Variants in CA12 observed in about 807,000 individuals in gnomAD.
The protein encoded by CA12 is carbonic anhydrase 12.
Under a neutral mutation model 46.8 loss-of-function variants are expected in CA12, and 36 were observed. The ratio of observed to expected loss-of-function variants is 0.77; its 90% CI spans 0.59 to 1.02. The LOEUF (loss-of-function observed/expected upper bound fraction) is 1.02. CA12 is among the 50% of genes least tolerant of loss of function. The probability of loss-of-function intolerance (pLI) is 0.00; values close to 1 mark genes in which losing one functional copy is unlikely to be tolerated. For synonymous variants in CA12, 202 were observed against 187.0 expected, an observed-to-expected ratio of 1.08 and a Z score of -0.65; for missense variants, 436 against 451.4, an observed-to-expected ratio of 0.97 and a Z score of 0.31.
rs2038858752 is a variant in CA12, at chr15:63,325,850, C to T, written c.*435G>A. 1 of 209,024 alleles carries T rather than the reference C, an allele frequency of 4.8e-6. No individual in the cohort carries two copies. The highest frequency in any genetic ancestry group is 9.9e-6 in the Non-Finnish European group (1 of 100,894). The allele number at this position is 209,024 out of a possible 1,614,324, so 12.9% of individuals were successfully genotyped here. ...TCTCCAGAGGAAAGAAGTTGAGTTT[C>T]CCAAGCAAAACCTAAGCAGAGAGTG... On this transcript the variant is annotated 3_prime_UTR_variant, in exon 11 of 11. Coordinates refer to ENST00000178638, the MANE Select transcript of CA12 (RefSeq NM_001218.5). The surrounding 1 kb of genome is among the most constrained non-coding windows in gnomAD (Gnocchi z 4.9).
chr15:63,330,005 A>G lies in CA12; in HGVS notation c.875-1875T>C, dbSNP rs1016296801. 6.6e-6 allele frequency among the ~76,000 whole-genome samples: 1 copy of G among 152,186 alleles called. No homozygotes were observed. The highest frequency in any genetic ancestry group is 1.5e-5 in the Non-Finnish European group (1 of 68,024). ...CCCCAGGTGGCACCGGGCTGCTGTG[A>G]GGGTTAGCAGAGCAGGCAGGGAGAA... On this transcript the variant is annotated intron_variant, in intron 8 of 10. Transcript: ENST00000178638. The surrounding 1 kb of genome is among the most constrained non-coding windows in gnomAD (Gnocchi z 4.0).
chr15:63,338,408 G>C (rs1288971002), intron 8 of CA12, among the ~76,000 whole-genome samples: 1 of 152,204 alleles, frequency 6.6e-6, no homozygotes, highest in Non-Finnish European at 1.5e-5. Context: ...CCAGGCCTAA[G>C]ATAGGCTGGC....
rs1166011491 is a variant in CA12, at chr15:63,348,016, G to T, written c.107-1307C>A. On this transcript the variant is annotated intron_variant, in intron 2 of 10. Coordinates refer to ENST00000178638, the MANE Select transcript of CA12 (RefSeq NM_001218.5). The surrounding 1 kb of genome is among the most constrained non-coding windows in gnomAD (Gnocchi z 4.6). Reference sequence around the variant, plus strand: ...CATCGTGCTCTCTAACTAGGGGACCGTATCTGAGAGTGGGAAGAATCCGAA... The same window carrying T: ...CATCGTGCTCTCTAACTAGGGGACCTTATCTGAGAGTGGGAAGAATCCGAA... Among the ~76,000 whole-genome samples the T allele has an allele frequency of 1.3e-5, 2 of 152,204 alleles. No homozygotes were observed. The highest frequency in any genetic ancestry group is 4.8e-5 in the African/African-American group (2 of 41,446).
At position 63,340,085 on chromosome 15, in the gene CA12, A is replaced by C. The variant is rs1352486535; in HGVS notation, c.747+203T>G. The C allele has an allele frequency of 4.7e-6, 3 of 640,272 alleles. No homozygotes were observed. Among genetic ancestry groups the C allele is most frequent in the Non-Finnish European group, 8.3e-6 (3 of 360,626 alleles). The allele number at this position is 640,272 out of a possible 1,614,324, so 39.7% of individuals were successfully genotyped here. ...TTTTTTTAAAAAAGAACTAGGAGAC[A>C]TCTATTCATTTGCCTAGCTTGACTT... On this transcript the variant is annotated intron_variant, in intron 7 of 10. Transcript: ENST00000178638. This position sits in a 1 kb window ranked among gnomAD's most constrained non-coding sequence, Gnocchi z 4.4.
chr15:63,379,486 C>T (rs892144428), intron 1 of CA12, among the ~76,000 whole-genome samples: 1 of 152,200 alleles, frequency 6.6e-6, no homozygotes, highest in African/African-American at 2.4e-5. Flanking sequence ...TAAACTGATT[C>T]CACAAGCGAG....
Position 63,328,334 on chromosome 15 carries a change from G to C in CA12, c.875-204C>G, listed in dbSNP as rs1053084306. Among the ~76,000 whole-genome samples the C allele has an allele frequency of 3.4e-5, 5 of 146,704 alleles. No homozygotes were observed. In the Admixed American group the frequency reaches 3.5e-4, roughly 10 times the overall value. ...TCATACTGCAATCCCTCCTTCCGATGCTCCTTTTTTTTTTTTTTTTGAGAT... is the reference window on the plus strand; with the variant it reads ...TCATACTGCAATCCCTCCTTCCGATCCTCCTTTTTTTTTTTTTTTTGAGAT... On this transcript the variant is annotated intron_variant, in intron 8 of 10. Coordinates refer to ENST00000178638, the MANE Select transcript of CA12 (RefSeq NM_001218.5). This position sits in a 1 kb window ranked among gnomAD's most constrained non-coding sequence, Gnocchi z 5.9.
intron 8 of CA12, among the ~76,000 whole-genome samples, chr15:63,332,461 G>C (rs1038586576): frequency 6.6e-6 from 1 of 152,168 alleles, no homozygotes. Flanking sequence ...TGCTCTGAAG[G>C]GCCTAAATCC....
chr15:63,344,764 G>A (rs2039124003), intron 4 of CA12, among the ~76,000 whole-genome samples: 1 of 152,130 alleles, frequency 6.6e-6, no homozygotes, highest in Admixed American at 6.5e-5. Flanking sequence ...GGCTATTGGA[G>A]TGCCAAAATG....
chr15:63,336,200 C>T (rs916614266), intron 8 of CA12, among the ~76,000 whole-genome samples: 1 of 152,178 alleles, frequency 6.6e-6, no homozygotes, highest in African/African-American at 2.4e-5. Context: ...GGTCTCCAGA[C>T]TTCTGCTTAG....
chr15:63,328,741 C>T lies in CA12; in HGVS notation c.875-611G>A, dbSNP rs1412447622. Among the ~76,000 whole-genome samples, 1 of 152,112 alleles carries T rather than the reference C, an allele frequency of 6.6e-6. No individual in the cohort carries two copies. The highest frequency in any genetic ancestry group is 1.5e-5 in the Non-Finnish European group (1 of 68,020). ...TTTGAGACAGAGTCTCGCTCTGTCA[C>T]ACATGCTGGAGTGCAGTGGCACAAT... On this transcript the variant is annotated intron_variant, in intron 8 of 10. Transcript: ENST00000178638. The surrounding 1 kb of genome is among the most constrained non-coding windows in gnomAD (Gnocchi z 5.9).
chr15:63,344,955 A>C (rs2039126988), intron 4 of CA12, among the ~76,000 whole-genome samples: 1 of 152,164 alleles, frequency 6.6e-6, no homozygotes, highest in African/African-American at 2.4e-5. Flanking sequence ...CCTGCACATT[A>C]GACTGCCAGG....
intron 1 of CA12, among the ~76,000 whole-genome samples, chr15:63,376,604 C>CTT (rs1325632435): frequency 0.021 from 275 of 13,084 alleles, no homozygotes; most frequent in African/African-American, 0.032. Flanking sequence ...CTTTCTTTCT[C>CTT]TCTCTCTCGC....
Position 63,338,954 on chromosome 15 carries a change from A to G in CA12, c.748-9T>C, listed in dbSNP as rs1044020681. ...GTCTCCAAAGCCAGCAGCTGAGGGC[A>G]AGAGCAGAAATAGCCCGCAGGCAGA... On this transcript the variant is annotated splice_polypyrimidine_tract_variant and intron_variant, in intron 7 of 10. Coordinates refer to ENST00000178638, the MANE Select transcript of CA12 (RefSeq NM_001218.5). 3.7e-5 allele frequency: 59 copies of G among 1,614,068 alleles called. No individual in the cohort carries two copies. Among genetic ancestry groups the G allele is most frequent in the Non-Finnish European group, 5.0e-5 (59 of 1,180,050 alleles).
Position 63,334,242 on chromosome 15 carries a change from C to CTTTTTTTTTTT in CA12, c.874+4566_874+4576dup, listed in dbSNP as rs71131163. Among the ~76,000 whole-genome samples the CTTTTTTTTTTT allele has an allele frequency of 4.6e-5, 3 of 64,958 alleles. 1 individual carries two copies. Among genetic ancestry groups the CTTTTTTTTTTT allele is most frequent in the African/African-American group, 2.2e-4 (3 of 13,798 alleles). The allele number at this position is 64,958 out of a possible 152,430, so 42.6% of individuals were successfully genotyped here. On this transcript the variant is annotated intron_variant, in intron 8 of 10. Coordinates refer to ENST00000178638, the MANE Select transcript of CA12 (RefSeq NM_001218.5). Reference sequence around the variant, plus strand: ...TTCCAACTGCCACTTGGAAGAGGCACTTTTTTTTTTTTTTTTTTTTTTTTT... The same window carrying CTTTTTTTTTTT: ...TTCCAACTGCCACTTGGAAGAGGCACTTTTTTTTTTTTTTTTTTTTTTTTTTTTTTTTTTTT...
chr15:63,379,337 C>T (rs571947376), intron 1 of CA12, among the ~76,000 whole-genome samples: 1 of 152,310 alleles, frequency 6.6e-6, no homozygotes, highest in South Asian at 2.1e-4. Flanking sequence ...CAGCTCAGCT[C>T]TGACCTCAGG....
intron 8 of CA12, among the ~76,000 whole-genome samples, chr15:63,333,376 G>A (rs979105202): frequency 4.6e-5 from 7 of 152,224 alleles, no homozygotes; most frequent in Admixed American, 6.5e-5. Flanking sequence ...CACCCACCAT[G>A]GGGTTTTCTG....
In CA12 at chr15:63,373,039, C is replaced by T. The variant is rs547487692; in HGVS notation, c.106+2619G>A. Reference sequence around the variant, plus strand: ...GCTGCACTGAGAAGCCCGCCCTTGGCGAACACCACGTCATGATGAAGAGGC... The same window carrying T: ...GCTGCACTGAGAAGCCCGCCCTTGGTGAACACCACGTCATGATGAAGAGGC... On this transcript the variant is annotated intron_variant, in intron 2 of 10. Transcript: ENST00000178638. This position sits in a 1 kb window ranked among gnomAD's most constrained non-coding sequence, Gnocchi z 4.9. 4.6e-5 allele frequency among the ~76,000 whole-genome samples: 7 copies of T among 152,290 alleles called. No homozygotes were observed. Among genetic ancestry groups the T allele is most frequent in the Non-Finnish European group, 7.4e-5 (5 of 68,026 alleles).
chr15:63,375,420 C>G (rs2039557662), intron 2 of CA12: 1 of 476,014 alleles, frequency 2.1e-6, no homozygotes. Context: ...GAAGCCTGGA[C>G]ACTATGACTC....
chr15:63,370,583 G>A (rs1182899667), intron 2 of CA12, among the ~76,000 whole-genome samples: 2 of 152,060 alleles, frequency 1.3e-5, no homozygotes, highest in African/African-American at 2.4e-5. Context: ...GACCAGCCTG[G>A]TCAACATGGT....
Sources: allele counts gnomAD v4.1 joint callset (sites outside exome capture counted in the v4.1 genomes callset), GRCh38; gene constraint gnomAD v4.1.1; non-coding constraint Gnocchi (gnomAD v3.1); transcripts MANE v1.5; gene names NCBI Gene and HGNC (gene_info 2026-07-23, HGNC 2026-07-21).